The following EYS variants were observed in gnomAD, a reference collection of about 807,000 sequenced individuals.
EYS encodes the protein protein eyes shut homolog.
EYS carries 250 observed loss-of-function variants against 282.1 expected under a neutral mutation model. The observed-to-expected ratio is 0.89, with a 90% confidence interval of 0.80 to 0.98. The LOEUF is 0.98. Among genes scored for constraint, EYS ranks in the 50% least tolerant of loss-of-function variants. EYS has a pLI of 0.00. For missense variants in EYS, 4,016 were observed against 3,709.0 expected (o/e 1.08, Z -2.15); for synonymous variants, 1,355 against 1,282.9 (o/e 1.06, Z -1.20).
At chr6:63,994,326 A>G (rs766658652) in intron 34 of EYS, among the ~76,000 whole-genome samples, 5 of 151,960 alleles carry the variant, frequency 3.3e-5, no homozygotes, top group Non-Finnish European at 1.5e-5. Flanking sequence ...AATATGTTCA[A>G]TCTGCTTATG....
intron 31 of EYS, among the ~76,000 whole-genome samples, chr6:64,102,366 G>T (rs1255750095): frequency 2.0e-5 from 3 of 152,052 alleles, no homozygotes; most frequent in Non-Finnish European, 4.4e-5. Flanking sequence ...ATTTTCAAGA[G>T]TGAATTTTGG....
intron 35 of EYS, among the ~76,000 whole-genome samples, chr6:63,926,894 C>A (rs933703229): frequency 6.6e-6 from 1 of 152,134 alleles, no homozygotes; most frequent in African/African-American, 2.4e-5. Context: ...TATATTAATA[C>A]TCAACTCAGT....
chr6:64,915,840 A>C (rs2150078550), intron 15 of EYS, among the ~76,000 whole-genome samples: 1 of 152,314 alleles, frequency 6.6e-6, no homozygotes, highest in African/African-American at 2.4e-5. Context: ...AAAGGATAAC[A>C]GTGATGTATC....
At chr6:64,193,124 T>C (rs1765168308) in intron 31 of EYS, among the ~76,000 whole-genome samples, 2 of 152,262 alleles carry the variant, frequency 1.3e-5, no homozygotes, top group Non-Finnish European at 2.9e-5. Context: ...TTCTTCCATA[T>C]AAATTTTAGA....
chr6:64,768,361 A>G (rs1430865433), intron 22 of EYS, among the ~76,000 whole-genome samples: 1 of 152,184 alleles, frequency 6.6e-6, no homozygotes, highest in East Asian at 1.9e-4. Flanking sequence ...GCCTTCATGT[A>G]TATATTTAGC....
At chr6:64,452,761 C>T (rs190300652) in intron 26 of EYS, among the ~76,000 whole-genome samples, 104 of 152,088 alleles carry the variant, frequency 6.8e-4, no homozygotes, top group Admixed American at 1.3e-3. Flanking sequence ...AATGGGGAAA[C>T]GATCCCCTAT....
At chr6:64,796,774 T>C (rs1774367047) in intron 22 of EYS, among the ~76,000 whole-genome samples, 1 of 152,158 alleles carries the variant, frequency 6.6e-6, no homozygotes. Context: ...TGAAGAGTTG[T>C]TCTTTTGCAT....
At chr6:64,997,827 A>G (rs556926587) in intron 13 of EYS, 124 bp from the exon 14 acceptor site, 4 of 774,334 alleles carry the variant, frequency 5.2e-6, no homozygotes, top group South Asian at 5.8e-5. Flanking sequence ...AGTAAGAATT[A>G]TTATATTTAA....
intron 1 of EYS, among the ~76,000 whole-genome samples, chr6:65,682,153 T>G (rs1327284562): frequency 6.6e-6 from 1 of 151,944 alleles, no homozygotes; most frequent in Non-Finnish European, 1.5e-5. Context: ...AGCTGTCAGG[T>G]GCAATTTTTC....
chr6:65,106,880 T>C (rs1450904986), intron 12 of EYS, among the ~76,000 whole-genome samples: 2 of 152,080 alleles, frequency 1.3e-5, no homozygotes, highest in African/African-American at 4.8e-5. Flanking sequence ...TTACACATCA[T>C]GCACAAATAT....
At chr6:64,390,528 G>C (rs1446555891) in intron 28 of EYS, among the ~76,000 whole-genome samples, 1 of 151,318 alleles carries the variant, frequency 6.6e-6, no homozygotes, top group South Asian at 2.1e-4. Context: ...ACACCTCACA[G>C]GGCAGGGTAT....
At chr6:65,320,757 T>G (rs7754286) in intron 11 of EYS, among the ~76,000 whole-genome samples, 49,866 of 152,066 alleles carry the variant, frequency 0.33, 8,693 homozygotes, top group African/African-American at 0.43. Context: ...TTAAACAGGT[T>G]GCCTTAAGGT....
chr6:65,495,394 A>T lies in EYS; in HGVS notation c.17T>A (p.Ile6Asn). The T allele has an allele frequency of 3.1e-6, 5 of 1,611,332 alleles. No individual in the cohort carries two copies. Among genetic ancestry groups the T allele is most frequent in the Non-Finnish European group, 4.2e-6 (5 of 1,179,956 alleles). Residue 6 changes from isoleucine (I) to asparagine (N), a missense_variant, in exon 4 of 43, where the codon ATC (isoleucine) becomes AAC (asparagine). Transcript: ENST00000503581. The part of the protein sequence containing the change: MTDKS[I>N]VILSLMVFHS... ...AAAAACCATCAGGCTCAGAATGACG[A>T]TTGATTTGTCAGTCATTTTCGGGTA...
intron 36 of EYS, among the ~76,000 whole-genome samples, chr6:63,835,152 G>A (rs1771769278): frequency 6.6e-6 from 1 of 151,622 alleles, no homozygotes; most frequent in Non-Finnish European, 1.5e-5. Context: ...GTATACATAT[G>A]TAACAAACCT....
At chr6:65,426,284 T>C (rs1021636398) in intron 5 of EYS, among the ~76,000 whole-genome samples, 2 of 152,082 alleles carry the variant, frequency 1.3e-5, no homozygotes, top group Admixed American at 6.6e-5. Context: ...TAGCCAAAAT[T>C]CTATTTTATT....
chr6:63,934,315 T>C (rs1581995040), intron 35 of EYS, among the ~76,000 whole-genome samples: 2 of 152,124 alleles, frequency 1.3e-5, no homozygotes, highest in African/African-American at 2.4e-5. Context: ...TGTAAACTAG[T>C]TCAACCATTG....
intron 2 of EYS, among the ~76,000 whole-genome samples, chr6:65,527,819 A>T (rs1421126094): frequency 3.3e-5 from 5 of 151,988 alleles, no homozygotes; most frequent in Non-Finnish European, 7.4e-5. Context: ...CACACATGGG[A>T]CCTCCCTAAA....
chr6:64,818,786 CCCACTCAAAT>C (rs991607197), intron 21 of EYS, among the ~76,000 whole-genome samples: 1 of 122,878 alleles, frequency 8.1e-6, no homozygotes, highest in African/African-American at 3.2e-5. Flanking sequence ...CCCACTCAAA[CCCACTCAAAT>C]TGAGAGTGGG....
In EYS at chr6:65,680,086, TCACA is replaced by T. The variant is rs10650454; in HGVS notation, c.-448+27045_-448+27048del. ...ATATATATTATGCGCTCCTAAATTTTCACACACACACACACACACACACACACAC... is the reference window on the plus strand; with the variant it reads ...ATATATATTATGCGCTCCTAAATTTTCACACACACACACACACACACACAC... On this transcript the variant is annotated intron_variant, in intron 1 of 42. Transcript: ENST00000503581. Among the ~76,000 whole-genome samples, 614 of 147,380 alleles carry T rather than the reference TCACA, an allele frequency of 4.2e-3. 7 individuals carry two copies. The highest frequency in any genetic ancestry group is 0.012 in the African/African-American group (474 of 40,126).
Sources: gnomAD v4.1 joint callset for allele counts (sites outside exome capture counted in the v4.1 genomes callset) on GRCh38, gnomAD v4.1.1 for gene constraint, MANE v1.5 for transcripts, NCBI Gene and HGNC (gene_info 2026-07-23, HGNC 2026-07-21) for gene names.